The following PRKCE variants were observed in gnomAD, a reference collection of about 807,000 sequenced individuals.
PRKCE encodes protein kinase C epsilon.
Under a neutral mutation model 85.4 loss-of-function variants are expected in PRKCE, and 16 were observed. The ratio of observed to expected loss-of-function variants is 0.19; its 90% CI spans 0.13 to 0.28. The LOEUF (loss-of-function observed/expected upper bound fraction) is 0.28, where lower values mean the gene tolerates loss of function less well. Ranked by LOEUF, PRKCE falls within the 10% of genes least tolerant of loss-of-function variation. PRKCE has a pLI of 1.00. For missense variants in PRKCE, 573 were observed against 975.2 expected, an observed-to-expected ratio of 0.59 and a Z score of 5.49; for synonymous variants, 388 against 371.5, an observed-to-expected ratio of 1.04 and a Z score of -0.51.
chr2:46,165,987 G>A (rs923755380), intron 14 of PRKCE, among the ~76,000 whole-genome samples: 1 of 152,212 alleles, frequency 6.6e-6, no homozygotes, highest in African/African-American at 2.4e-5. Flanking sequence ...CCTCCAGAGT[G>A]GGGAGTCTCT....
chr2:45,828,308 G>A (rs746452565), intron 1 of PRKCE, among the ~76,000 whole-genome samples: 37 of 152,336 alleles, frequency 2.4e-4, no homozygotes, highest in Non-Finnish European at 4.7e-4. Flanking sequence ...GCTGAGGCAG[G>A]AGAATTGCTT....
At chr2:45,993,105 G>A (rs753208615) in intron 6 of PRKCE, among the ~76,000 whole-genome samples, 2 of 152,040 alleles carry the variant, frequency 1.3e-5, no homozygotes, top group Non-Finnish European at 2.9e-5. Flanking sequence ...TGGATTGGCA[G>A]CAGGGGCTCA....
chr2:45,743,880 C>G (rs954666769), intron 1 of PRKCE, among the ~76,000 whole-genome samples: 18 of 152,092 alleles, frequency 1.2e-4, no homozygotes, highest in South Asian at 2.1e-4. Context: ...CAGAGATGGC[C>G]CAAGCACCAG....
At chr2:45,967,688 C>G (rs551765805) in intron 2 of PRKCE, among the ~76,000 whole-genome samples, 1 of 151,432 alleles carries the variant, frequency 6.6e-6, no homozygotes, top group East Asian at 1.9e-4. Flanking sequence ...GTCAGGATGA[C>G]TCATTTTTTT....
rs377346204 is a variant in PRKCE, at chr2:45,847,054, C to T, written c.412+3991C>T. On this transcript the variant is annotated intron_variant, in intron 2 of 14. Coordinates refer to ENST00000306156, the MANE Select transcript of PRKCE (RefSeq NM_005400.3). Reference sequence around the variant, plus strand: ...AGAACAGAGCCAGGTACCAAAGAGGCGACTTAACAGAGTAATCTATCTGGC... The same window carrying T: ...AGAACAGAGCCAGGTACCAAAGAGGTGACTTAACAGAGTAATCTATCTGGC... Among the ~76,000 whole-genome samples the T allele has an allele frequency of 1.7e-4, 26 of 152,306 alleles. No homozygotes were observed. In the East Asian group the frequency reaches 2.3e-3, roughly 14 times the overall value.
intron 11 of PRKCE, among the ~76,000 whole-genome samples, chr2:46,104,053 G>A (rs1364583899): frequency 6.6e-6 from 1 of 152,112 alleles, no homozygotes; most frequent in East Asian, 1.9e-4. Context: ...GTGCCCATAG[G>A]ATTAAAAGGT....
intron 5 of PRKCE, among the ~76,000 whole-genome samples, chr2:45,983,193 C>T (rs1340468411): frequency 2.0e-5 from 3 of 152,210 alleles, no homozygotes; most frequent in African/African-American, 4.8e-5. Context: ...GAAGGATCAG[C>T]CATTCCTTGG....
At chr2:45,979,850 A>G (rs950786255) in intron 4 of PRKCE, among the ~76,000 whole-genome samples, 3 of 152,220 alleles carry the variant, frequency 2.0e-5, no homozygotes, top group African/African-American at 7.2e-5. Context: ...ACACAACCAG[A>G]TAAAAAAGCC....
At chr2:45,717,968 C>G (rs1680284717) in intron 1 of PRKCE, among the ~76,000 whole-genome samples, 2 of 152,098 alleles carry the variant, frequency 1.3e-5, no homozygotes, top group Admixed American at 6.5e-5. Context: ...AAAGATGGGC[C>G]CCCTCAAGAA....
rs990825515 is a variant in PRKCE, at chr2:45,905,627, G to A, written c.412+62564G>A. On this transcript the variant is annotated intron_variant, in intron 2 of 14. Coordinates refer to ENST00000306156, the MANE Select transcript of PRKCE (RefSeq NM_005400.3). The surrounding 1 kb of genome is among the most constrained non-coding windows in gnomAD (Gnocchi z 4.4). Reference sequence around the variant, plus strand: ...TCCTGGCCCTGCAAGTCCTTTCTAAGGGGCTGAGGGCTGGCCGGGGCCCTA... The same window carrying A: ...TCCTGGCCCTGCAAGTCCTTTCTAAAGGGCTGAGGGCTGGCCGGGGCCCTA... Among the ~76,000 whole-genome samples the A allele has an allele frequency of 2.0e-5, 3 of 152,214 alleles. No individual in the cohort carries two copies. The highest frequency in any genetic ancestry group is 7.2e-5 in the African/African-American group (3 of 41,464).
intron 2 of PRKCE, among the ~76,000 whole-genome samples, chr2:45,967,707 TC>T (rs1308961788): frequency 1.3e-5 from 2 of 152,198 alleles, no homozygotes; most frequent in African/African-American, 4.8e-5. Context: ...TTTCTTTTTT[TC>T]TTTTTGCCTC....
intron 2 of PRKCE, among the ~76,000 whole-genome samples, chr2:45,912,728 C>T (rs1239037930): frequency 1.3e-5 from 2 of 152,174 alleles, no homozygotes; most frequent in Non-Finnish European, 2.9e-5. Context: ...AACTTGGAGG[C>T]TTCTAACACA....
At chr2:46,032,572 A>G (rs1707600527) in intron 10 of PRKCE, among the ~76,000 whole-genome samples, 1 of 152,106 alleles carries the variant, frequency 6.6e-6, no homozygotes, top group African/African-American at 2.4e-5. Flanking sequence ...CTTGCATCTC[A>G]GTCATCTCCA....
intron 5 of PRKCE, among the ~76,000 whole-genome samples, chr2:45,981,323 G>C (rs369419740): frequency 6.6e-6 from 1 of 152,166 alleles, no homozygotes; most frequent in Non-Finnish European, 1.5e-5. Context: ...TTAGAATCGC[G>C]GGTTAGAGAG....
chr2:46,154,618 G>A (rs55878647), intron 13 of PRKCE, among the ~76,000 whole-genome samples: 100,555 of 151,704 alleles, frequency 0.66, 33,687 homozygotes, highest in East Asian at 0.94. Flanking sequence ...CTGGGACTGG[G>A]TCTCCTCTGG....
intron 2 of PRKCE, among the ~76,000 whole-genome samples, chr2:45,848,334 G>T (rs147252727): frequency 6.6e-6 from 1 of 151,054 alleles, no homozygotes; most frequent in African/African-American, 2.4e-5. Flanking sequence ...TTTTTGAGAC[G>T]GAGTCTTGCT....
At chr2:45,967,429 C>G (rs1010267959) in intron 2 of PRKCE, among the ~76,000 whole-genome samples, 1 of 152,146 alleles carries the variant, frequency 6.6e-6, no homozygotes, top group African/African-American at 2.4e-5. Context: ...ACCTACCACC[C>G]CACAGTAGAC....
Position 45,979,045 on chromosome 2 carries a change from C to T in PRKCE, c.607+35C>T, listed in dbSNP as rs185136281. The T allele has an allele frequency of 1.1e-4, 183 of 1,594,520 alleles. No individual in the cohort carries two copies. In the African/African-American group the frequency reaches 2.3e-3, roughly 20 times the overall value. Reference sequence around the variant, plus strand: ...ATTTATGAATTAAATCTTCAGAGGCCCGTGGTTAGATCCAGATCACTGGCA... The same window carrying T: ...ATTTATGAATTAAATCTTCAGAGGCTCGTGGTTAGATCCAGATCACTGGCA... On this transcript the variant is annotated intron_variant, in intron 4 of 14. Coordinates refer to ENST00000306156, the MANE Select transcript of PRKCE (RefSeq NM_005400.3).
chr2:45,771,619 C>A (rs1427707651), intron 1 of PRKCE, among the ~76,000 whole-genome samples: 4 of 152,088 alleles, frequency 2.6e-5, no homozygotes, highest in Non-Finnish European at 5.9e-5. Context: ...TCTTCCTCCC[C>A]CTTTGTCTTT....
Sources: allele counts gnomAD v4.1 joint callset (sites outside exome capture counted in the v4.1 genomes callset), GRCh38; gene constraint gnomAD v4.1.1; non-coding constraint Gnocchi (gnomAD v3.1); transcripts MANE v1.5; gene names NCBI Gene and HGNC (gene_info 2026-07-23, HGNC 2026-07-21).